DAB1: variants seen among roughly 807,000 people sequenced by gnomAD.
The protein encoded by DAB1 is disabled homolog 1.
A neutral mutation model predicts 64.6 loss-of-function variants in DAB1; 15 were observed. The observed-to-expected ratio is 0.23, with a 90% CI of 0.16 to 0.36. The LOEUF (loss-of-function observed/expected upper bound fraction) is 0.36, where lower values mean the gene tolerates loss of function less well. Ranked by LOEUF, DAB1 falls within the 10% of genes least tolerant of loss-of-function variation. The pLI, the probability that DAB1 is intolerant of heterozygous loss-of-function variation, is 1.00. For synonymous variants in DAB1, 235 were observed against 251.9 expected (o/e 0.93, Z 0.64); for missense variants, 596 against 706.7 (o/e 0.84, Z 1.78).
intron 5 of DAB1, among the ~76,000 whole-genome samples, chr1:58,131,635 T>C (rs1259660394): frequency 1.5e-5 from 2 of 135,196 alleles, no homozygotes; most frequent in South Asian, 2.6e-4. Context: ...GATGGGTTTT[T>C]GGTGTGGATG....
chr1:58,162,456 T>C (rs1468368353), intron 4 of DAB1, among the ~76,000 whole-genome samples: 2 of 152,158 alleles, frequency 1.3e-5, no homozygotes, highest in Non-Finnish European at 2.9e-5. Flanking sequence ...TAAAATAACC[T>C]GTGCACATAC....
chr1:56,997,534 A>C lies in DAB1; in HGVS notation c.*610T>G, dbSNP rs1309911323. On this transcript the variant is annotated 3_prime_UTR_variant, in exon 15 of 15. Transcript: ENST00000371236. The stretch of plus-strand genomic sequence containing the variant: ...TAAAAAAAGTCAAAAGCAATACAAA[A>C]ATTTGTACACCTATTAATTTTCAAA... 1 of 152,228 alleles carries C rather than the reference A, an allele frequency of 6.6e-6. No individual in the cohort carries two copies. Among genetic ancestry groups the C allele is most frequent in the Non-Finnish European group, 1.5e-5 (1 of 68,046 alleles). 9.4% of individuals were successfully genotyped at this position (152,228 alleles called of 1,614,324 possible).
At chr1:58,517,533 G>C (rs1646176201) in intron 2 of DAB1, among the ~76,000 whole-genome samples, 1 of 152,010 alleles carries the variant, frequency 6.6e-6, no homozygotes. Flanking sequence ...GATGTAACTT[G>C]AGAGATCCCT....
intron 5 of DAB1, among the ~76,000 whole-genome samples, chr1:58,145,260 G>A (rs1654524295): frequency 1.3e-5 from 2 of 152,312 alleles, no homozygotes; most frequent in South Asian, 4.1e-4. Flanking sequence ...CTTTTTTGGG[G>A]CAATGCCTAT....
chr1:57,463,871 A>T (rs1306744343), intron 7 of DAB1, among the ~76,000 whole-genome samples: 2 of 152,194 alleles, frequency 1.3e-5, no homozygotes, highest in Non-Finnish European at 2.9e-5. Flanking sequence ...ACTTGTCTAC[A>T]AAGAGCTGAT....
At chr1:57,327,709 T>C (rs1393497229) in intron 1 of DAB1, among the ~76,000 whole-genome samples, 4 of 152,112 alleles carry the variant, frequency 2.6e-5, no homozygotes, top group African/African-American at 9.7e-5. Context: ...GCCAGGAAAC[T>C]TAACCAAAAC....
At chr1:57,945,798 T>G (rs1388237550) in intron 5 of DAB1, among the ~76,000 whole-genome samples, 1 of 152,236 alleles carries the variant, frequency 6.6e-6, no homozygotes, top group Admixed American at 6.5e-5. Flanking sequence ...AATCCCAGAA[T>G]AGAAACTTAT....
intron 5 of DAB1, among the ~76,000 whole-genome samples, chr1:57,915,338 T>G (rs899157134): frequency 6.6e-6 from 1 of 152,268 alleles, no homozygotes; most frequent in South Asian, 2.1e-4. Context: ...TATAGAGAGA[T>G]ATTTCTCAGA....
chr1:57,643,119 C>A (rs1363709709), intron 7 of DAB1, among the ~76,000 whole-genome samples: 5 of 152,204 alleles, frequency 3.3e-5, no homozygotes, highest in African/African-American at 1.2e-4. Context: ...CAGCTGTCAC[C>A]TTTTATCCTC....
intron 2 of DAB1, among the ~76,000 whole-genome samples, chr1:57,218,970 G>A (rs995818707): frequency 1.3e-5 from 2 of 152,116 alleles, no homozygotes; most frequent in Admixed American, 1.3e-4. Flanking sequence ...TAAAGCTTTG[G>A]AAGCTGGGTA....
chr1:57,161,893 T>A (rs1223031751), intron 2 of DAB1, among the ~76,000 whole-genome samples: 1 of 152,188 alleles, frequency 6.6e-6, no homozygotes, highest in Non-Finnish European at 1.5e-5. Context: ...GTGTCTTGCT[T>A]TTTTCATCTG....
chr1:58,114,213 G>T (rs2100656790), intron 5 of DAB1, among the ~76,000 whole-genome samples: 1 of 152,200 alleles, frequency 6.6e-6, no homozygotes, highest in Middle Eastern at 3.4e-3. Flanking sequence ...AGTGAGCTGA[G>T]ATCAAGCCAC....
chr1:57,035,322 G>A (rs1026494574), intron 9 of DAB1, among the ~76,000 whole-genome samples: 2 of 152,082 alleles, frequency 1.3e-5, no homozygotes, highest in Non-Finnish European at 2.9e-5. Context: ...AAAAGCAAAT[G>A]GCTTCGGAGC....
chr1:58,523,075 T>C (rs918409246), intron 2 of DAB1, among the ~76,000 whole-genome samples: 5 of 152,238 alleles, frequency 3.3e-5, no homozygotes, highest in African/African-American at 1.2e-4. Context: ...TCAATTTGTT[T>C]TCTGGCACTA....
intron 7 of DAB1, among the ~76,000 whole-genome samples, chr1:57,573,575 A>C (rs1645216332): frequency 6.6e-6 from 1 of 152,210 alleles, no homozygotes; most frequent in South Asian, 2.1e-4. Context: ...CTGAGTTTGG[A>C]TATCAGTGGA....
At chr1:57,242,677 C>G (rs1389531067) in intron 2 of DAB1, among the ~76,000 whole-genome samples, 2 of 152,172 alleles carry the variant, frequency 1.3e-5, no homozygotes, top group Admixed American at 1.3e-4. Context: ...AGAGTTTCCT[C>G]AACTCTTGGA....
intron 6 of DAB1, among the ~76,000 whole-genome samples, chr1:57,698,224 C>CT (rs1437319464): frequency 6.6e-6 from 1 of 151,562 alleles, no homozygotes; most frequent in Non-Finnish European, 1.5e-5. Context: ...GTAGCTGGGA[C>CT]TACAAGCATG....
At chr1:57,716,470 G>A (rs1004634927) in intron 6 of DAB1, among the ~76,000 whole-genome samples, 2 of 152,082 alleles carry the variant, frequency 1.3e-5, no homozygotes, top group Admixed American at 6.6e-5. Flanking sequence ...ACAAAGGTGC[G>A]AAAATACACA....
intron 7 of DAB1, among the ~76,000 whole-genome samples, chr1:57,571,253 G>A (rs1237146399): frequency 6.6e-6 from 1 of 152,102 alleles, no homozygotes; most frequent in Non-Finnish European, 1.5e-5. Flanking sequence ...GAATAGAAGT[G>A]GTGAAAGTGG....
Sources: allele counts gnomAD v4.1 joint callset (sites outside exome capture counted in the v4.1 genomes callset), GRCh38; gene constraint gnomAD v4.1.1; transcripts MANE v1.5; gene names NCBI Gene and HGNC (gene_info 2026-07-23, HGNC 2026-07-21).